EGF: variants seen among roughly 807,000 people sequenced by gnomAD.
EGF encodes epidermal growth factor, also known as pro-epidermal growth factor.
EGF carries 95 observed loss-of-function variants against 143.8 expected under a neutral mutation model. The observed-to-expected ratio is 0.66, with a 90% confidence interval of 0.56 to 0.78. EGF has a LOEUF of 0.78. Ranked by LOEUF, EGF falls within the 30% of genes least tolerant of loss-of-function variation. The probability of loss-of-function intolerance (pLI) is 0.00; values close to 1 mark genes in which losing one functional copy is unlikely to be tolerated. For missense variants in EGF, 1,320 were observed against 1,470.9 expected, an observed-to-expected ratio of 0.90 and a Z score of 1.68; for synonymous variants, 510 against 510.5, an observed-to-expected ratio of 1.00 and a Z score of 0.01.
At position 109,925,226 on chromosome 4, in the gene EGF, C is replaced by T. The variant is rs190440238; in HGVS notation, c.127+11764C>T. On this transcript the variant is annotated intron_variant, in intron 1 of 23. Transcript: ENST00000265171. ...TAATACATGAAAAACCACATGACAA[C>T]AAATTAAAATGTGTTCCTTTGTAAA... is the stretch of plus-strand genomic sequence containing the variant. Among the ~76,000 whole-genome samples the T allele has an allele frequency of 4.0e-3, 602 of 152,256 alleles. 4 individuals carry two copies. The highest frequency in any genetic ancestry group is 5.7e-3 in the Non-Finnish European group (389 of 67,998).
chr4:109,918,092 T>A (rs1737018677), intron 1 of EGF, among the ~76,000 whole-genome samples: 2 of 152,206 alleles, frequency 1.3e-5, no homozygotes, highest in South Asian at 4.1e-4. Flanking sequence ...AAATAACGTA[T>A]CTAATATTTT....
intron 20 of EGF, among the ~76,000 whole-genome samples, chr4:109,996,635 A>G (rs1751829161): frequency 1.3e-5 from 2 of 152,184 alleles, no homozygotes; most frequent in Non-Finnish European, 2.9e-5. Context: ...TTCTGTACAG[A>G]GTGCTCTTCA....
At chr4:109,936,505 C>T (rs1463439276) in intron 1 of EGF, among the ~76,000 whole-genome samples, 5 of 152,102 alleles carry the variant, frequency 3.3e-5, no homozygotes, top group Admixed American at 1.3e-4. Flanking sequence ...TTCCTGGATT[C>T]ATTAATTTTT....
intron 1 of EGF, among the ~76,000 whole-genome samples, chr4:109,922,710 C>T (rs907888574): frequency 6.6e-6 from 1 of 151,598 alleles, no homozygotes; most frequent in Non-Finnish European, 1.5e-5. Context: ...CTTTGGTCAA[C>T]GCCCTATGTC....
intron 12 of EGF, 128 bp from the exon 13 acceptor site, chr4:109,975,884 C>A: frequency 9.5e-7 from 1 of 1,056,642 alleles, no homozygotes; most frequent in Non-Finnish European, 1.5e-6. Context: ...GCTATCTCTT[C>A]TTCTGTATTC....
intron 8 of EGF, 104 bp from the exon 9 acceptor site, chr4:109,963,064 CAAAAA>C: frequency 6.3e-6 from 7 of 1,119,158 alleles, no homozygotes; most frequent in Non-Finnish European, 8.8e-6. Flanking sequence ...AACTCCATCT[CAAAAA>C]AAAAAAAAAA....
chr4:110,000,096 G>A (rs1249439048), intron 21 of EGF, among the ~76,000 whole-genome samples: 2 of 151,956 alleles, frequency 1.3e-5, no homozygotes, highest in South Asian at 2.1e-4. Context: ...CACTAAAAAG[G>A]CAAAAAGTAA....
Position 109,980,929 on chromosome 4 carries a change from A to G in EGF, c.2325A>G (p.Ser775=). The stretch of plus-strand genomic sequence containing the variant: ...GTCGTGAAGGTTTTATGAAAGCCTC[A>G]GATGGGAAAACGTGTCTGGCTCTGG... ...CSCREGFMKA[S]DGKTCLALDG... is the part of the protein sequence containing the mutation. The change falls in exon 15 of 24, where the codon TCA becomes TCG. Residue 775 remains serine, a synonymous_variant. Transcript: ENST00000265171. 1 of 1,614,160 alleles carries G rather than the reference A, an allele frequency of 6.2e-7. No individual in the cohort carries two copies.
At chr4:109,976,786 G>A (rs749282891) in intron 13 of EGF, among the ~76,000 whole-genome samples, 10 of 152,224 alleles carry the variant, frequency 6.6e-5, no homozygotes, top group Non-Finnish European at 1.2e-4. Context: ...TACAAAGACA[G>A]TATTTAAACT....
In EGF at chr4:109,993,292, C is replaced by A; in HGVS notation, c.2780C>A (p.Ala927Asp). 6.2e-7 allele frequency: 1 copy of A among 1,613,682 alleles called. No homozygotes were observed. Among genetic ancestry groups the A allele is most frequent in the Non-Finnish European group, 8.5e-7 (1 of 1,179,858 alleles). The change falls in exon 19 of 24, where the codon GCC becomes GAC. Residue 927 changes from alanine to aspartate, a missense_variant. By Grantham distance (126) the Ala-to-Asp change is moderately radical (BLOSUM62 -2). Coordinates refer to ENST00000265171, the MANE Select transcript of EGF (RefSeq NM_001963.6). Reference sequence around the variant, plus strand: ...GGGGAGCACAGCTGTGGAGAGAATGCCAGCTGCACAAATACAGAGGGAGGC... The same window carrying A: ...GGGGAGCACAGCTGTGGAGAGAATGACAGCTGCACAAATACAGAGGGAGGC... ...QLGEHSCGEN[A>D]SCTNTEGGYT...
intron 11 of EGF, among the ~76,000 whole-genome samples, chr4:109,971,951 T>C (rs1168621371): frequency 6.6e-6 from 1 of 152,180 alleles, no homozygotes; most frequent in East Asian, 1.9e-4. Flanking sequence ...GAATACTGAT[T>C]CCTAAAGTCA....
chr4:109,984,336 G>A (rs1213748958), intron 16 of EGF, among the ~76,000 whole-genome samples: 2 of 151,786 alleles, frequency 1.3e-5, no homozygotes, highest in Non-Finnish European at 1.5e-5. Flanking sequence ...AAACTACTTT[G>A]TTGATGTACG....
intron 1 of EGF, among the ~76,000 whole-genome samples, chr4:109,927,826 T>TGC (rs1738993002): frequency 6.6e-6 from 1 of 150,500 alleles, no homozygotes; most frequent in Admixed American, 6.6e-5. Flanking sequence ...TGTGTGTGTG[T>TGC]GTGTGTGTGT....
chr4:109,933,072 A>T (rs1347607168), intron 1 of EGF, among the ~76,000 whole-genome samples: 1 of 152,238 alleles, frequency 6.6e-6, no homozygotes, highest in Non-Finnish European at 1.5e-5. Context: ...CACAATTAAT[A>T]AAATACTTTC....
intron 5 of EGF, 118 bp downstream of exon 5, chr4:109,945,393 A>G: frequency 1.2e-6 from 1 of 864,956 alleles, no homozygotes; most frequent in African/African-American, 1.7e-5. Context: ...ACCCTCATAT[A>G]TTCTTAGTCA....
At chr4:109,975,080 T>C (rs1305214687) in intron 12 of EGF, among the ~76,000 whole-genome samples, 1 of 152,216 alleles carries the variant, frequency 6.6e-6, no homozygotes, top group Non-Finnish European at 1.5e-5. Context: ...TCATCTACTT[T>C]CTTTAAAAAT....
chr4:109,932,377 A>ATATATATATATATAT (rs1553929849), intron 1 of EGF, among the ~76,000 whole-genome samples: 36 of 123,886 alleles, frequency 2.9e-4, no homozygotes, highest in Middle Eastern at 4.3e-3. Context: ...ATATATATAT[A>ATATATATATATATAT]AATTTTTTTT....
At chr4:109,998,551 A>C (rs551383784) in intron 20 of EGF, among the ~76,000 whole-genome samples, 1 of 152,294 alleles carries the variant, frequency 6.6e-6, no homozygotes, top group Non-Finnish European at 1.5e-5. Flanking sequence ...AAAATAAGTA[A>C]AAGTGCCTAG....
At chr4:109,951,377 A>T (rs1159125222) in intron 5 of EGF, among the ~76,000 whole-genome samples, 1 of 151,962 alleles carries the variant, frequency 6.6e-6, no homozygotes, top group Non-Finnish European at 1.5e-5. Context: ...CCCCCACAAA[A>T]AAACCAAGTG....
Sources: allele counts gnomAD v4.1 joint callset (sites outside exome capture counted in the v4.1 genomes callset), GRCh38; gene constraint gnomAD v4.1.1; transcripts MANE v1.5; gene names NCBI Gene and HGNC (gene_info 2026-07-23, HGNC 2026-07-21).